The following NPL variants were observed in gnomAD, a reference collection of about 807,000 sequenced individuals.
The protein encoded by NPL is N-acetylneuraminate pyruvate lyase, also known as N-acetylneuraminate lyase.
NPL carries 32 observed loss-of-function variants against 41.1 expected under a neutral mutation model. That is an observed-to-expected ratio of 0.78 (90% CI 0.59 to 1.05). NPL has a LOEUF of 1.05. Ranked by LOEUF, NPL falls within the 50% of genes least tolerant of loss-of-function variation. The probability of loss-of-function intolerance (pLI) is 0.00; values close to 1 mark genes in which losing one functional copy is unlikely to be tolerated. For missense variants in NPL, 321 were observed against 378.4 expected, an observed-to-expected ratio of 0.85 and a Z score of 1.26; for synonymous variants, 128 against 134.9, an observed-to-expected ratio of 0.95 and a Z score of 0.35.
At position 182,828,257 on chromosome 1, in the gene NPL, G is replaced by A. The variant is rs1034575597; in HGVS notation, c.779-467G>A. Among the ~76,000 whole-genome samples the A allele has an allele frequency of 6.6e-5, 10 of 152,164 alleles. No individual in the cohort carries two copies. Among genetic ancestry groups the A allele is most frequent in the Non-Finnish European group, 1.0e-4 (7 of 68,042 alleles). On this transcript the variant is annotated intron_variant, in intron 12 of 12. Transcript: ENST00000367553. This position sits in a 1 kb window ranked among gnomAD's most constrained non-coding sequence, Gnocchi z 4.0. ...ATAACACCAGCATGAAAACAGCAGCGTTGAGTCATAAGCCACCTTAAGTAC... is the reference window on the plus strand; with the variant it reads ...ATAACACCAGCATGAAAACAGCAGCATTGAGTCATAAGCCACCTTAAGTAC...
intron 6 of NPL, among the ~76,000 whole-genome samples, chr1:182,812,923 G>A (rs1040801377): frequency 6.6e-6 from 1 of 152,032 alleles, no homozygotes; most frequent in African/African-American, 2.4e-5. Context: ...GGGAGGCCGA[G>A]GCAGGCAGAT....
chr1:182,806,532 G>C, intron 5 of NPL: 1 of 1,536,194 alleles, frequency 6.5e-7, no homozygotes, highest in Non-Finnish European at 8.7e-7. Flanking sequence ...GGGCTGAAAG[G>C]TAAGAGGGGA....
chr1:182,804,622 T>G (rs1289454992), intron 4 of NPL, among the ~76,000 whole-genome samples: 1 of 152,232 alleles, frequency 6.6e-6, no homozygotes, highest in African/African-American at 2.4e-5. Flanking sequence ...TACCTGCGAT[T>G]GAGCTGTCCC....
chr1:182,829,181 T>G lies in NPL; in HGVS notation c.*273T>G. ...GGATGAAATGGAATCAAGAGGAAAA[T>G]TGTAATTGATTAATTCCATCTGTCT... On this transcript the variant is annotated 3_prime_UTR_variant, in exon 13 of 13. Transcript: ENST00000367553. 1 of 1,305,560 alleles carries G rather than the reference T, an allele frequency of 7.7e-7. No homozygotes were observed. The highest frequency in any genetic ancestry group is 9.7e-7 in the Non-Finnish European group (1 of 1,026,756). The allele number at this position is 1,305,560 out of a possible 1,614,324, so 80.9% of individuals were successfully genotyped here. A position where few individuals can be genotyped will look rare whatever the true frequency, so the allele number is the denominator to read the frequency against.
chr1:182,814,172 C>G (rs986103982), intron 6 of NPL, among the ~76,000 whole-genome samples: 2 of 152,204 alleles, frequency 1.3e-5, no homozygotes, highest in African/African-American at 2.4e-5. Flanking sequence ...GACTTACACT[C>G]TAGTTGGAGG....
At chr1:182,805,431 CA>C (rs59393886) in intron 4 of NPL, among the ~76,000 whole-genome samples, 3 of 151,396 alleles carry the variant, frequency 2.0e-5, no homozygotes, top group Non-Finnish European at 4.4e-5. Context: ...AATTCTGTCT[CA>C]AAAAAATGAA....
chr1:182,819,503 C>T (rs1183511247), intron 10 of NPL, among the ~76,000 whole-genome samples: 20 of 150,600 alleles, frequency 1.3e-4, no homozygotes, highest in African/African-American at 4.9e-4. Flanking sequence ...CCCAGCTACT[C>T]GGGAGGCTGA....
chr1:182,826,001 A>G, intron 12 of NPL, 181 bp downstream of exon 12: 1 of 660,744 alleles, frequency 1.5e-6, no homozygotes, highest in East Asian at 2.6e-5. Flanking sequence ...ACCTAGTTGG[A>G]AAATCTTTGG....
chr1:182,801,281 T>C (rs75533154), intron 3 of NPL, among the ~76,000 whole-genome samples: 8,877 of 152,190 alleles, frequency 0.058, 359 homozygotes, highest in African/African-American at 0.12. Context: ...CAACCTACTT[T>C]CTCCTTTCTT....
intron 1 of NPL, among the ~76,000 whole-genome samples, chr1:182,790,519 AATG>A (rs1394685171): frequency 1.3e-5 from 2 of 152,366 alleles, no homozygotes; most frequent in East Asian, 1.9e-4. Flanking sequence ...TCTTAAAAAT[AATG>A]ATAATTATCT....
At chr1:182,801,671 G>A (rs1236232112) in intron 3 of NPL, among the ~76,000 whole-genome samples, 1 of 152,066 alleles carries the variant, frequency 6.6e-6, no homozygotes, top group Non-Finnish European at 1.5e-5. Flanking sequence ...GCAACATAGT[G>A]AGGTCTCATC....
intron 5 of NPL, chr1:182,809,185 G>A (rs1481417191): frequency 9.0e-6 from 4 of 443,182 alleles, no homozygotes; most frequent in Admixed American, 5.0e-5. Flanking sequence ...CCATTTTAAG[G>A]TCAAACCATC....
At chr1:182,826,195 T>C (rs1032257471) in intron 12 of NPL, 2 of 292,202 alleles carry the variant, frequency 6.8e-6, no homozygotes, top group African/African-American at 4.3e-5. Flanking sequence ...TGTGAATGAC[T>C]GACAGCTCTC....
chr1:182,807,599 G>A (rs970341648), intron 5 of NPL, among the ~76,000 whole-genome samples: 3 of 151,684 alleles, frequency 2.0e-5, no homozygotes, highest in Admixed American at 6.6e-5. Context: ...AGTACTGGCC[G>A]GGCATGGTGG....
Position 182,830,083 on chromosome 1 carries a change from CCTT to C in NPL, c.*1176_*1178del, listed in dbSNP as rs1667727219. 2 of 153,938 alleles carry C rather than the reference CCTT, an allele frequency of 1.3e-5. No homozygotes were observed. The highest frequency in any genetic ancestry group is 4.1e-4 in the South Asian group (2 of 4,852). 9.5% of individuals were successfully genotyped at this position (153,938 alleles called of 1,614,324 possible). A position where few individuals can be genotyped will look rare whatever the true frequency, so the allele number is the denominator to read the frequency against. Reference sequence around the variant, plus strand: ...ATTTGAAATTCATATCAGTTTTGCTCCTTATTTTAATCTCTTTGAATTAAAAAT... The same window carrying C: ...ATTTGAAATTCATATCAGTTTTGCTCATTTTAATCTCTTTGAATTAAAAAT... On this transcript the variant is annotated 3_prime_UTR_variant, in exon 13 of 13. Coordinates refer to ENST00000367553, the MANE Select transcript of NPL (RefSeq NM_030769.3).
chr1:182,818,738 A>G (rs750561769), intron 9 of NPL, 49 bp downstream of exon 9: 1 of 1,614,006 alleles, frequency 6.2e-7, no homozygotes, highest in Admixed American at 1.7e-5. Flanking sequence ...CTCCAAAACA[A>G]TTTGTGTAGC....
chr1:182,822,233 C>A (rs765435003), intron 11 of NPL, 34 bp downstream of exon 11: 9 of 1,407,536 alleles, frequency 6.4e-6, no homozygotes, highest in South Asian at 2.3e-5. Flanking sequence ...TAAATCACAG[C>A]CTTTTTTCTT....
intron 3 of NPL, among the ~76,000 whole-genome samples, chr1:182,795,015 C>T (rs1049977124): frequency 5.9e-5 from 9 of 152,132 alleles, no homozygotes; most frequent in Admixed American, 3.9e-4. Flanking sequence ...AACAACAGTC[C>T]GTTGTTGACT....
At chr1:182,806,663 A>G (rs910561869) in intron 5 of NPL, 58 of 1,011,906 alleles carry the variant, frequency 5.7e-5, no homozygotes, top group Middle Eastern at 6.3e-4. Context: ...GTCTCTGTGC[A>G]TCCAACTCAA....
Sources: allele counts gnomAD v4.1 joint callset (sites outside exome capture counted in the v4.1 genomes callset), GRCh38; gene constraint gnomAD v4.1.1; non-coding constraint Gnocchi (gnomAD v3.1); transcripts MANE v1.5; gene names NCBI Gene and HGNC (gene_info 2026-07-23, HGNC 2026-07-21).